Variants in ATP8B4 observed in about 807,000 individuals in gnomAD.
The protein encoded by ATP8B4 is probable phospholipid-transporting ATPase IM.
A neutral mutation model predicts 145.6 loss-of-function variants in ATP8B4; 133 were observed. The observed-to-expected ratio is 0.91, with a 90% confidence interval of 0.79 to 1.05. The LOEUF (loss-of-function observed/expected upper bound fraction) is 1.05. Ranked by LOEUF, ATP8B4 falls within the 50% of genes least tolerant of loss-of-function variation. ATP8B4 has a pLI of 0.00. For missense variants in ATP8B4, 1,458 were observed against 1,425.2 expected, an observed-to-expected ratio of 1.02 and a Z score of -0.37; for synonymous variants, 507 against 492.9, an observed-to-expected ratio of 1.03 and a Z score of -0.38.
At chr15:50,115,931 A>C (rs2057148069) in intron 1 of ATP8B4, among the ~76,000 whole-genome samples, 1 of 152,204 alleles carries the variant, frequency 6.6e-6, no homozygotes, top group South Asian at 2.1e-4. Context: ...AGAATGGCAC[A>C]ATTAGAATTC....
intron 1 of ATP8B4, among the ~76,000 whole-genome samples, chr15:50,161,066 T>C (rs961891307): frequency 2.0e-5 from 3 of 152,130 alleles, no homozygotes; most frequent in Non-Finnish European, 4.4e-5. Context: ...GGTGGGTGCA[T>C]ATATACTTAA....
intron 13 of ATP8B4, among the ~76,000 whole-genome samples, chr15:49,967,741 A>C (rs2044687865): frequency 6.6e-6 from 1 of 152,198 alleles, no homozygotes; most frequent in Non-Finnish European, 1.5e-5. Context: ...CTAGTGAGGC[A>C]GGCCAACATT....
chr15:50,118,079 GTA>G (rs1287124134), intron 1 of ATP8B4, among the ~76,000 whole-genome samples: 1 of 152,078 alleles, frequency 6.6e-6, no homozygotes, highest in African/African-American at 2.4e-5. Flanking sequence ...ACAGGTTCTA[GTA>G]TTTGATAACA....
At position 50,177,669 on chromosome 15, in the gene ATP8B4, G is replaced by A. The variant is rs1595673001; in HGVS notation, c.-43+4592C>T. On this transcript the variant is annotated intron_variant, in intron 1 of 3. Coordinates refer to the ATP8B4 transcript ENST00000558829. ...TTCTCAGCCACTAGGGCTCTACCGAGTAGTTTGGAAGCCAATGGACTAAAT... is the reference window on the plus strand; with the variant it reads ...TTCTCAGCCACTAGGGCTCTACCGAATAGTTTGGAAGCCAATGGACTAAAT... 4.6e-5 allele frequency among the ~76,000 whole-genome samples: 7 copies of A among 152,324 alleles called. 2 individuals are homozygous for A. The highest frequency in any genetic ancestry group is 4.6e-4 in the Admixed American group (7 of 15,300).
At chr15:49,955,925 A>G (rs1180742550) in intron 14 of ATP8B4, among the ~76,000 whole-genome samples, 1 of 152,178 alleles carries the variant, frequency 6.6e-6, no homozygotes, top group African/African-American at 2.4e-5. Flanking sequence ...TGCAACATTA[A>G]AAAAAATTCT....
At chr15:50,144,406 A>G (rs1340908548) in intron 1 of ATP8B4, among the ~76,000 whole-genome samples, 1 of 152,248 alleles carries the variant, frequency 6.6e-6, no homozygotes, top group African/African-American at 2.4e-5. Context: ...ATTGACTCAC[A>G]GTTACGCATG....
intron 3 of ATP8B4, among the ~76,000 whole-genome samples, chr15:50,072,380 T>A (rs917925397): frequency 6.6e-6 from 1 of 152,170 alleles, no homozygotes; most frequent in Non-Finnish European, 1.5e-5. Flanking sequence ...TTATAAAAGA[T>A]TCCAGGTAGC....
chr15:50,016,261 A>C (rs928860805), intron 6 of ATP8B4, among the ~76,000 whole-genome samples: 1 of 152,170 alleles, frequency 6.6e-6, no homozygotes, highest in African/African-American at 2.4e-5. Flanking sequence ...TCTTCTGTAG[A>C]TTCTTAGTAG....
At chr15:50,045,212 G>A (rs1218233694) in intron 4 of ATP8B4, among the ~76,000 whole-genome samples, 2 of 152,052 alleles carry the variant, frequency 1.3e-5, no homozygotes, top group Non-Finnish European at 2.9e-5. Flanking sequence ...AGTACCCCCA[G>A]TACACAACAC....
chr15:49,864,945 T>C (rs1221925547), intron 26 of ATP8B4, among the ~76,000 whole-genome samples: 6 of 152,218 alleles, frequency 3.9e-5, no homozygotes, highest in African/African-American at 1.4e-4. Flanking sequence ...TTGGTCTTCT[T>C]CTCTGTTTTC....
At chr15:50,075,986 A>G (rs895335740) in intron 2 of ATP8B4, among the ~76,000 whole-genome samples, 1 of 152,250 alleles carries the variant, frequency 6.6e-6, no homozygotes, top group East Asian at 1.9e-4. Context: ...GACCACTGGT[A>G]TGCTGCATGT....
chr15:50,179,966 G>A (rs761713648), intron 1 of ATP8B4, among the ~76,000 whole-genome samples: 1 of 152,090 alleles, frequency 6.6e-6, no homozygotes, highest in Non-Finnish European at 1.5e-5. Context: ...GGACTCCCAA[G>A]GTATATATTA....
rs1275800546 is a variant in ATP8B4 at position 49,901,133 on chromosome 15, T to C, written c.2248A>G (p.Ile750Val). 12 of 1,613,556 alleles carry C rather than the reference T, an allele frequency of 7.4e-6. No homozygotes were observed. Among genetic ancestry groups the C allele is most frequent in the Admixed American group, 3.3e-5 (2 of 59,984 alleles). Residue 750 changes from isoleucine to valine, a missense_variant, in exon 21 of 28, where the codon ATA (isoleucine) becomes GTA (valine). By Grantham distance (29) the Ile-to-Val change is conservative. Transcript: ENST00000284509. ...LELDSIVEET[I>V]TGDYALIING... is the part of the protein sequence containing the mutation. Reference sequence around the variant, plus strand: ...ATGATTAAGGCATAATCTCCTGTTATGGTTTCTTCTACAATAGAATCCAAC... The same window carrying C: ...ATGATTAAGGCATAATCTCCTGTTACGGTTTCTTCTACAATAGAATCCAAC...
chr15:50,112,180 T>A (rs2056979103), intron 1 of ATP8B4, among the ~76,000 whole-genome samples: 1 of 151,332 alleles, frequency 6.6e-6, no homozygotes, highest in African/African-American at 2.4e-5. Flanking sequence ...TAGAGGAGAT[T>A]GGAAAAAGGG....
intron 12 of ATP8B4, among the ~76,000 whole-genome samples, chr15:49,978,044 T>G (rs1033631043): frequency 1.4e-4 from 19 of 137,516 alleles, no homozygotes; most frequent in African/African-American, 5.5e-4. Context: ...AATGCCAACC[T>G]GAGAATCTAC....
intron 2 of ATP8B4, among the ~76,000 whole-genome samples, chr15:50,104,887 A>ACACACACACACACACC (rs753542910): frequency 0.071 from 10,764 of 151,286 alleles, 467 homozygotes; most frequent in Middle Eastern, 0.13. Context: ...ACACACACAC[A>ACACACACACACACACC]CCCATATATA....
At chr15:50,038,854 A>G in intron 5 of ATP8B4, 25 bp from the exon 6 acceptor site, 3 of 1,596,946 alleles carry the variant, frequency 1.9e-6, no homozygotes, top group Non-Finnish European at 2.6e-6. Context: ...TGTTTGTGAG[A>G]AAACACATTA....
At chr15:50,108,533 T>C (rs75570464) in intron 1 of ATP8B4, among the ~76,000 whole-genome samples, 4,108 of 152,234 alleles carry the variant, frequency 0.027, 187 homozygotes, top group African/African-American at 0.095. Flanking sequence ...CACCGCCTCA[T>C]GTCTGCACTC....
At chr15:50,056,744 G>A (rs2052635529) in intron 3 of ATP8B4, among the ~76,000 whole-genome samples, 1 of 148,330 alleles carries the variant, frequency 6.7e-6, no homozygotes, top group Non-Finnish European at 1.5e-5. Context: ...CACACCTATA[G>A]CAAAGACAAT....
Sources: gnomAD v4.1 joint callset for allele counts (sites outside exome capture counted in the v4.1 genomes callset) on GRCh38, gnomAD v4.1.1 for gene constraint, MANE v1.5 for transcripts, NCBI Gene and HGNC (gene_info 2026-07-23, HGNC 2026-07-21) for gene names.